NEGR1: variants seen among roughly 807,000 people sequenced by gnomAD.
NEGR1 encodes the protein neuronal growth regulator 1.
Under a neutral mutation model 40.9 loss-of-function variants are expected in NEGR1, and 10 were observed. That is an observed-to-expected ratio of 0.24 (90% CI 0.15 to 0.42). NEGR1 has a LOEUF of 0.42. Among genes scored for constraint, NEGR1 ranks in the 10% least tolerant of loss-of-function variants. The pLI is 1.00. For synonymous variants in NEGR1, 185 were observed against 166.8 expected (o/e 1.11, Z -0.84); for missense variants, 352 against 438.9 (o/e 0.80, Z 1.77).
At chr1:71,616,129 T>C (rs924019837) in intron 4 of NEGR1, among the ~76,000 whole-genome samples, 2 of 152,208 alleles carry the variant, frequency 1.3e-5, no homozygotes, top group African/African-American at 4.8e-5. Context: ...TTAGAAATTG[T>C]GATGTACATG....
rs866620572 is a variant in NEGR1, at chr1:71,685,513, G to A, written c.667+12495C>T. On this transcript the variant is annotated intron_variant, in intron 4 of 6. Transcript: ENST00000357731. ...ACTTTTGTATTTTTAGTAAAGATGG[G>A]GTTTCACCATATTGGCCAGCCTGCT... 2.6e-5 allele frequency among the ~76,000 whole-genome samples: 4 copies of A among 152,058 alleles called. No homozygotes were observed. In the South Asian group the frequency reaches 8.3e-4, roughly 32 times the overall value.
intron 2 of NEGR1, among the ~76,000 whole-genome samples, chr1:71,855,363 G>A (rs899297470): frequency 6.6e-6 from 1 of 151,606 alleles, no homozygotes; most frequent in Non-Finnish European, 1.5e-5. Context: ...CTTACAAAAT[G>A]GAATAAATGA....
intron 1 of NEGR1, among the ~76,000 whole-genome samples, chr1:72,144,274 C>G (rs1401883795): frequency 2.0e-5 from 3 of 151,428 alleles, no homozygotes; most frequent in Admixed American, 1.3e-4. Context: ...ATTGATTAGC[C>G]AGGTTTGTAC....
chr1:72,099,144 T>C (rs1029569520), intron 1 of NEGR1, among the ~76,000 whole-genome samples: 15 of 151,916 alleles, frequency 9.9e-5, no homozygotes, highest in Non-Finnish European at 1.6e-4. Context: ...TAAAAATTTA[T>C]GTTTTAAAGT....
intron 6 of NEGR1, among the ~76,000 whole-genome samples, chr1:71,466,269 T>C (rs1486513006): frequency 2.0e-5 from 3 of 152,132 alleles, no homozygotes; most frequent in African/African-American, 7.2e-5. Context: ...GCTATATTCC[T>C]AGGTATAATC....
In NEGR1 at chr1:72,168,542, GAA is replaced by G. The variant is rs578094607; in HGVS notation, c.176+113775_176+113776del. 4.0e-3 allele frequency among the ~76,000 whole-genome samples: 612 copies of G among 151,804 alleles called. 11 individuals carry two copies. Among genetic ancestry groups the G allele is most frequent in the Admixed American group, 0.033 (508 of 15,244 alleles). The stretch of plus-strand genomic sequence containing the variant: ...TGGGAATATCTTTTTCAGGCCAAAG[GAA>G]AAAAACATCCCACTCTACCATGTAA... On this transcript the variant is annotated intron_variant, in intron 1 of 6. Coordinates refer to ENST00000357731, the MANE Select transcript of NEGR1 (RefSeq NM_173808.3).
At chr1:71,564,344 G>A (rs942648977) in intron 6 of NEGR1, among the ~76,000 whole-genome samples, 2 of 152,032 alleles carry the variant, frequency 1.3e-5, no homozygotes, top group Non-Finnish European at 2.9e-5. Flanking sequence ...TTCATAAACT[G>A]GGAAAAATCA....
At position 71,912,180 on chromosome 1, in the gene NEGR1, G is replaced by A. The variant is rs192182625; in HGVS notation, c.409+22899C>T. Among the ~76,000 whole-genome samples, 192 of 152,244 alleles carry A rather than the reference G, an allele frequency of 1.3e-3. 1 individual carries two copies. The highest frequency in any genetic ancestry group is 1.9e-4 in the Non-Finnish European group (13 of 68,000). ...CAGGGCGAAGACCAAGGTGTGGGCA[G>A]GGCTGCTTTCTTTTGTGGGGACTGT... On this transcript the variant is annotated intron_variant, in intron 2 of 6. Coordinates refer to ENST00000357731, the MANE Select transcript of NEGR1 (RefSeq NM_173808.3).
rs181568614 is a variant in NEGR1 at position 71,772,193 on chromosome 1, A to G, written c.535+3979T>C. On this transcript the variant is annotated intron_variant, in intron 3 of 6. Transcript: ENST00000357731. ...AAATATGAGACAACCCACAAAGGAG[A>G]AATATTCTATTTAAAAAGGGGTCAA... is the stretch of plus-strand genomic sequence containing the variant. Among the ~76,000 whole-genome samples the G allele has an allele frequency of 1.8e-3, 274 of 152,110 alleles. 1 individual carries two copies. The highest frequency in any genetic ancestry group is 4.0e-3 in the Admixed American group (61 of 15,286).
At chr1:71,568,590 C>CA (rs1286377927) in intron 6 of NEGR1, among the ~76,000 whole-genome samples, 1 of 150,806 alleles carries the variant, frequency 6.6e-6, no homozygotes, top group Non-Finnish European at 1.5e-5. Flanking sequence ...TAAATAACAA[C>CA]AAAAAATGTA....
intron 1 of NEGR1, among the ~76,000 whole-genome samples, chr1:72,043,502 T>A (rs1213552348): frequency 6.6e-6 from 1 of 151,858 alleles, no homozygotes; most frequent in African/African-American, 2.4e-5. Flanking sequence ...TCACAAATAA[T>A]TTTAAAATGA....
At chr1:72,148,081 C>A (rs1197448555) in intron 1 of NEGR1, among the ~76,000 whole-genome samples, 2 of 152,120 alleles carry the variant, frequency 1.3e-5, no homozygotes, top group African/African-American at 4.8e-5. Context: ...TCTCACAGCT[C>A]CACTAGGCTG....
chr1:71,810,651 G>A (rs1657968373), intron 2 of NEGR1, among the ~76,000 whole-genome samples: 1 of 152,090 alleles, frequency 6.6e-6, no homozygotes. Flanking sequence ...GAAGGTGACT[G>A]GATCATGAGG....
chr1:71,581,338 A>T (rs1649126865), intron 6 of NEGR1, among the ~76,000 whole-genome samples: 1 of 152,218 alleles, frequency 6.6e-6, no homozygotes, highest in Non-Finnish European at 1.5e-5. Context: ...GATTAAACGT[A>T]ATGTGTCATG....
intron 2 of NEGR1, among the ~76,000 whole-genome samples, chr1:71,823,212 T>TC (rs1183999611): frequency 6.6e-6 from 1 of 151,526 alleles, no homozygotes; most frequent in Non-Finnish European, 1.5e-5. Flanking sequence ...CATTTTTTTT[T>TC]TTTTTTTGCC....
At chr1:72,007,830 T>C (rs1345737969) in intron 1 of NEGR1, among the ~76,000 whole-genome samples, 3 of 152,146 alleles carry the variant, frequency 2.0e-5, no homozygotes, top group Admixed American at 2.0e-4. Context: ...AGTACATTAA[T>C]ACAATACTTT....
At chr1:72,041,883 A>T (rs1646958044) in intron 1 of NEGR1, among the ~76,000 whole-genome samples, 1 of 91,096 alleles carries the variant, frequency 1.1e-5, no homozygotes, top group Admixed American at 1.1e-4. Context: ...ATATATTTAC[A>T]TATAAATATA....
chr1:72,219,025 C>T (rs1653923036), intron 1 of NEGR1, among the ~76,000 whole-genome samples: 1 of 152,014 alleles, frequency 6.6e-6, no homozygotes, highest in Non-Finnish European at 1.5e-5. Flanking sequence ...AATGACATGT[C>T]CTTCCTCATA....
intron 2 of NEGR1, among the ~76,000 whole-genome samples, chr1:71,835,477 T>C (rs1227514491): frequency 6.6e-6 from 1 of 152,132 alleles, no homozygotes; most frequent in Non-Finnish European, 1.5e-5. Context: ...TCCTGCAACC[T>C]CTCTACTTCC....
Sources: gnomAD v4.1 joint callset for allele counts (sites outside exome capture counted in the v4.1 genomes callset) on GRCh38, gnomAD v4.1.1 for gene constraint, MANE v1.5 for transcripts, NCBI Gene and HGNC (gene_info 2026-07-23, HGNC 2026-07-21) for gene names.